The following SLCO1A2 variants were observed in gnomAD, a reference collection of about 807,000 sequenced individuals.
The protein encoded by SLCO1A2 is solute carrier organic anion transporter family member 1A2, also known as OATP-1.
SLCO1A2 carries 67 observed loss-of-function variants against 69.0 expected under a neutral mutation model. The observed-to-expected ratio is 0.97, with a 90% CI of 0.80 to 1.19. The LOEUF (loss-of-function observed/expected upper bound fraction) is 1.19. SLCO1A2 is among the 50% of genes most tolerant of loss of function. SLCO1A2 has a pLI of 0.00. For synonymous variants in SLCO1A2, 260 were observed against 265.9 expected (o/e 0.98, Z 0.22); for missense variants, 787 against 793.7 (o/e 0.99, Z 0.10).
At chr12:21,317,246 T>C (rs888348321) in intron 3 of SLCO1A2, among the ~76,000 whole-genome samples, 2 of 152,184 alleles carry the variant, frequency 1.3e-5, no homozygotes, top group Non-Finnish European at 1.5e-5. Context: ...AAAGCTCTCA[T>C]TAACCCATTT....
chr12:21,369,234 C>G (rs1939611248), intron 2 of SLCO1A2, among the ~76,000 whole-genome samples: 1 of 152,126 alleles, frequency 6.6e-6, no homozygotes, highest in Non-Finnish European at 1.5e-5. Context: ...TATCTTCAAT[C>G]TCTTCTCATT....
chr12:21,276,095 G>T (rs1226381453), intron 12 of SLCO1A2, among the ~76,000 whole-genome samples: 6 of 152,072 alleles, frequency 3.9e-5, no homozygotes, highest in Non-Finnish European at 7.4e-5. Flanking sequence ...AATCTTGGAG[G>T]TTTTAATTTA....
intron 12 of SLCO1A2, among the ~76,000 whole-genome samples, chr12:21,286,803 C>A: frequency 7.8e-6 from 1 of 128,076 alleles, no homozygotes. Flanking sequence ...AACTGGCTAG[C>A]CATATGTAGA....
intron 6 of SLCO1A2, among the ~76,000 whole-genome samples, chr12:21,303,950 A>G (rs1407154030): frequency 6.6e-6 from 1 of 152,192 alleles, no homozygotes; most frequent in African/African-American, 2.4e-5. Flanking sequence ...AGACATGATT[A>G]AAACAATGCT....
At chr12:21,312,020 G>A (rs1230100729) in intron 4 of SLCO1A2, among the ~76,000 whole-genome samples, 2 of 148,956 alleles carry the variant, frequency 1.3e-5, no homozygotes, top group East Asian at 3.9e-4. Flanking sequence ...GAGGAGGAGG[G>A]AGGAGGAGAA....
chr12:21,331,065 C>G (rs1370104172), intron 2 of SLCO1A2, among the ~76,000 whole-genome samples: 4 of 152,194 alleles, frequency 2.6e-5, no homozygotes, highest in Admixed American at 2.6e-4. Context: ...ATTTCCTGGT[C>G]CTTTTTACCT....
intron 12 of SLCO1A2, among the ~76,000 whole-genome samples, chr12:21,277,774 T>C (rs1944137006): frequency 6.6e-6 from 1 of 152,130 alleles, no homozygotes; most frequent in Non-Finnish European, 1.5e-5. Flanking sequence ...CACGCTCCTA[T>C]GAGAATCTAA....
intron 2 of SLCO1A2, chr12:21,319,233 G>C: frequency 1.2e-6 from 1 of 834,850 alleles, no homozygotes; most frequent in Non-Finnish European, 1.8e-6. Flanking sequence ...TGTCTTCAGA[G>C]CTACAATGAT....
Position 21,414,866 on chromosome 12 carries a change from A to C in SLCO1A2, c.-312+3016T>G, listed in dbSNP as rs1428923420. Among the ~76,000 whole-genome samples the C allele has an allele frequency of 2.6e-5, 4 of 152,114 alleles. No homozygotes were observed. In the East Asian group the frequency reaches 7.7e-4, roughly 29 times the overall value. ...TAAGGCTTAAAATTCCTACACCTCCATAGTGCATTGAATCCTTATTATTAT... is the reference window on the plus strand; with the variant it reads ...TAAGGCTTAAAATTCCTACACCTCCCTAGTGCATTGAATCCTTATTATTAT... On this transcript the variant is annotated intron_variant, in intron 1 of 4. Transcript: ENST00000413682.
rs893340272 is a variant in SLCO1A2 at position 21,267,017 on chromosome 12, C to T, written c.*2531G>A. 4.0e-5 allele frequency: 6 copies of T among 151,884 alleles called. No homozygotes were observed. The highest frequency in any genetic ancestry group is 7.3e-5 in the African/African-American group (3 of 41,350). 9.4% of individuals were successfully genotyped at this position (151,884 alleles called of 1,614,324 possible). ...CTTGTTTCTCTTCTCCATGTCTGTC[C>T]GCTATGCCATTATCTCTACCCTCAT... On this transcript the variant is annotated 3_prime_UTR_variant, in exon 15 of 15. Coordinates refer to ENST00000683939, the MANE Select transcript of SLCO1A2 (RefSeq NM_001386879.1).
At chr12:21,358,894 G>T (rs1938588087) in intron 2 of SLCO1A2, among the ~76,000 whole-genome samples, 1 of 152,062 alleles carries the variant, frequency 6.6e-6, no homozygotes, top group African/African-American at 2.4e-5. Context: ...ATATTAAAAT[G>T]AAAACAAATA....
At position 21,285,553 on chromosome 12, in the gene SLCO1A2, C is replaced by A. The variant is rs1387380789; in HGVS notation, c.1610+6611G>T. Among the ~76,000 whole-genome samples, 32 of 133,970 alleles carry A rather than the reference C, an allele frequency of 2.4e-4. No individual in the cohort carries two copies. In the East Asian group the frequency reaches 6.2e-3, roughly 26 times the overall value. The allele number at this position is 133,970 out of a possible 152,430, so 87.9% of individuals were successfully genotyped here. ...TACCAAAGCCGGGCAGAGACACAACCAAAAAAGAGAATTTTAGACCAATAT... is the reference window on the plus strand; with the variant it reads ...TACCAAAGCCGGGCAGAGACACAACAAAAAAAGAGAATTTTAGACCAATAT... On this transcript the variant is annotated intron_variant, in intron 12 of 14. Transcript: ENST00000683939.
chr12:21,409,744 G>A (rs1320331584), intron 1 of SLCO1A2, among the ~76,000 whole-genome samples: 1 of 152,128 alleles, frequency 6.6e-6, no homozygotes, highest in Non-Finnish European at 1.5e-5. Context: ...AACAACCTCT[G>A]AGATCACAGT....
chr12:21,279,158 G>A lies in SLCO1A2; in HGVS notation c.1611-3734C>T, dbSNP rs187790569. Reference sequence around the variant, plus strand: ...TAGGCTGTTTGAAAATACACAGTAAGGGATACAAAAGAAAAAAAGAATAAA... The same window carrying A: ...TAGGCTGTTTGAAAATACACAGTAAAGGATACAAAAGAAAAAAAGAATAAA... On this transcript the variant is annotated intron_variant, in intron 12 of 14. Coordinates refer to ENST00000683939, the MANE Select transcript of SLCO1A2 (RefSeq NM_001386879.1). Among the ~76,000 whole-genome samples, 323 of 151,704 alleles carry A rather than the reference G, an allele frequency of 2.1e-3. 1 individual carries two copies. Among genetic ancestry groups the A allele is most frequent in the African/African-American group, 7.4e-3 (305 of 41,374 alleles).
chr12:21,372,740 C>T (rs991299567), intron 2 of SLCO1A2: 1 of 154,240 alleles, frequency 6.5e-6, no homozygotes, highest in Non-Finnish European at 1.4e-5. Context: ...TTAATATTTA[C>T]TGATGAGTTA....
chr12:21,320,244 C>A (rs1275000760), intron 2 of SLCO1A2, among the ~76,000 whole-genome samples: 4 of 152,120 alleles, frequency 2.6e-5, no homozygotes, highest in East Asian at 1.9e-4. Context: ...AACTCACAAC[C>A]TTTTCTGTTT....
At chr12:21,393,587 A>T (rs1021663987) in intron 1 of SLCO1A2, among the ~76,000 whole-genome samples, 4 of 152,246 alleles carry the variant, frequency 2.6e-5, no homozygotes, top group African/African-American at 9.6e-5. Flanking sequence ...AGCTTATCAA[A>T]GAAAATTCTG....
In SLCO1A2 at chr12:21,300,467, A is replaced by G. The variant is rs778001483; in HGVS notation, c.791T>C (p.Phe264Ser). Reference sequence around the variant, plus strand: ...CTTTGGAAGTGTGTTGGGCAAAAAGAAAAAAGGAATGGCAGTGAGCACGTT... The same window carrying G: ...CTTTGGAAGTGTGTTGGGCAAAAAGGAAAAAGGAATGGCAGTGAGCACGTT... The part of the protein sequence containing the change: ...GVNVLTAIPF[F>S]FLPNTLPKEG... Residue 264 changes from phenylalanine to serine, a missense_variant, in exon 8 of 15, where the codon TTC (phenylalanine) becomes TCC (serine). Transcript: ENST00000683939. 6.2e-7 allele frequency: 1 copy of G among 1,613,516 alleles called. No individual in the cohort carries two copies. The highest frequency in any genetic ancestry group is 8.5e-7 in the Non-Finnish European group (1 of 1,179,722).
In SLCO1A2 at chr12:21,325,508, A is replaced by G. The variant is rs371948971; in HGVS notation, c.61-6585T>C. On this transcript the variant is annotated intron_variant, in intron 2 of 14. Coordinates refer to ENST00000683939, the MANE Select transcript of SLCO1A2 (RefSeq NM_001386879.1). ...CCAAGGGACTTGGGCTCTTTTTTCA[A>G]TCTTCATCTTAATTTGCCTCAGATT... is the stretch of plus-strand genomic sequence containing the variant. Among the ~76,000 whole-genome samples, 5 of 152,218 alleles carry G rather than the reference A, an allele frequency of 3.3e-5. 1 individual carries two copies. Among genetic ancestry groups the G allele is most frequent in the African/African-American group, 9.6e-5 (4 of 41,556 alleles).
Sources: allele counts gnomAD v4.1 joint callset (sites outside exome capture counted in the v4.1 genomes callset), GRCh38; gene constraint gnomAD v4.1.1; transcripts MANE v1.5; gene names NCBI Gene and HGNC (gene_info 2026-07-23, HGNC 2026-07-21).